The following NCKAP5 variants were observed in gnomAD, a reference collection of about 807,000 sequenced individuals.
NCKAP5 encodes NCK associated protein 5.
Under a neutral mutation model 167.0 loss-of-function variants are expected in NCKAP5, and 92 were observed. That is an observed-to-expected ratio of 0.55 (90% CI 0.47 to 0.66). The LOEUF is 0.66. NCKAP5 is among the 30% of genes least tolerant of loss of function. The pLI is 0.00. For synonymous variants in NCKAP5, 891 were observed against 877.4 expected (o/e 1.02, Z -0.27); for missense variants, 2,378 against 2,315.0 (o/e 1.03, Z -0.56).
At chr2:133,156,239 C>T (rs1479136922) in intron 5 of NCKAP5, among the ~76,000 whole-genome samples, 1 of 152,206 alleles carries the variant, frequency 6.6e-6, no homozygotes, top group Admixed American at 6.5e-5. Flanking sequence ...CCTACTGCAC[C>T]TGCTGTGTTC....
chr2:133,111,825 A>G (rs1382206051), intron 6 of NCKAP5, among the ~76,000 whole-genome samples: 1 of 152,200 alleles, frequency 6.6e-6, no homozygotes, highest in Non-Finnish European at 1.5e-5. Flanking sequence ...TGAAAAACAC[A>G]AGAGAGTGAC....
chr2:133,616,642 A>G, the NCKAP5 span, among the ~76,000 whole-genome samples: 2 of 151,234 alleles, frequency 1.3e-5, no homozygotes, highest in African/African-American at 4.8e-5. Context: ...ACAGGAGCTG[A>G]AATTGTGGCA....
chr2:133,486,686 T>G (rs991949832), intron 3 of NCKAP5, among the ~76,000 whole-genome samples: 2 of 152,220 alleles, frequency 1.3e-5, no homozygotes, highest in African/African-American at 4.8e-5. Context: ...GCTTGAGTGG[T>G]GAACGTCTAC....
At chr2:133,307,349 T>G (rs1022690325) in intron 3 of NCKAP5, among the ~76,000 whole-genome samples, 19 of 152,130 alleles carry the variant, frequency 1.2e-4, no homozygotes, top group African/African-American at 4.1e-4. Flanking sequence ...TTGATAAGAT[T>G]TGAAATGCAA....
chr2:132,900,949 G>A (rs1397969785), intron 8 of NCKAP5, among the ~76,000 whole-genome samples: 1 of 119,570 alleles, frequency 8.4e-6, no homozygotes, highest in African/African-American at 3.3e-5. Context: ...CCGGGTGACA[G>A]AGCAAGACTC....
chr2:133,021,819 C>A (rs893970463), intron 6 of NCKAP5, among the ~76,000 whole-genome samples: 1 of 152,044 alleles, frequency 6.6e-6, no homozygotes, highest in Non-Finnish European at 1.5e-5. Context: ...TTAGTAGAGA[C>A]GAGGTTTTGC....
At chr2:133,210,755 G>A (rs1161616749) in intron 5 of NCKAP5, among the ~76,000 whole-genome samples, 8 of 152,268 alleles carry the variant, frequency 5.3e-5, no homozygotes, top group Middle Eastern at 3.4e-3. Context: ...AGTTACTGAG[G>A]AACAGGGAGA....
At chr2:133,601,450 C>A in the NCKAP5 span, among the ~76,000 whole-genome samples, 1 of 152,308 alleles carries the variant, frequency 6.6e-6, no homozygotes, top group Admixed American at 6.5e-5. Flanking sequence ...TCTACCTTGG[C>A]CGGGTGCAGT....
intron 5 of NCKAP5, among the ~76,000 whole-genome samples, chr2:133,137,260 C>G (rs942338703): frequency 6.6e-6 from 1 of 151,972 alleles, no homozygotes; most frequent in Non-Finnish European, 1.5e-5. Flanking sequence ...TTTAAAAACC[C>G]GTACTCTTGG....
At chr2:133,309,530 A>G (rs1250589249) in intron 3 of NCKAP5, among the ~76,000 whole-genome samples, 1 of 152,224 alleles carries the variant, frequency 6.6e-6, no homozygotes, top group African/African-American at 2.4e-5. Flanking sequence ...TAAAAATTTT[A>G]CAAAGGTACA....
chr2:133,622,829 G>T, the NCKAP5 span, among the ~76,000 whole-genome samples: 1 of 152,012 alleles, frequency 6.6e-6, no homozygotes, highest in Non-Finnish European at 1.5e-5. Flanking sequence ...AATCAAAAAA[G>T]AGCCCACATA....
At chr2:133,099,213 G>GA in intron 6 of NCKAP5, among the ~76,000 whole-genome samples, 1 of 151,630 alleles carries the variant, frequency 6.6e-6, no homozygotes. Context: ...AGAATATATA[G>GA]AAAAAAAAGC....
intron 16 of NCKAP5, among the ~76,000 whole-genome samples, chr2:132,770,563 A>G (rs1360547986): frequency 6.6e-6 from 1 of 151,752 alleles, no homozygotes; most frequent in Non-Finnish European, 1.5e-5. Flanking sequence ...GTTCTCCACC[A>G]CTTTGAAGAG....
intron 8 of NCKAP5, 77 bp downstream of exon 8, chr2:132,963,643 C>T (rs1251680253): frequency 1.4e-6 from 2 of 1,455,292 alleles, no homozygotes; most frequent in East Asian, 2.3e-5. Flanking sequence ...TTTATACTCA[C>T]TCAAAACCAG....
chr2:133,363,564 T>C (rs1028650233), intron 3 of NCKAP5, among the ~76,000 whole-genome samples: 3 of 152,232 alleles, frequency 2.0e-5, no homozygotes, highest in African/African-American at 7.2e-5. Flanking sequence ...TACTATAGCA[T>C]AGTGCTTCAA....
intron 2 of NCKAP5, among the ~76,000 whole-genome samples, chr2:133,518,344 A>ATTTTTT (rs751025050): frequency 0.057 from 4,219 of 74,518 alleles, 770 homozygotes; most frequent in East Asian, 0.16. Flanking sequence ...ACAGTAAAGG[A>ATTTTTT]TTTTTTTTTT....
chr2:133,479,429 C>T (rs1178985383), intron 3 of NCKAP5, among the ~76,000 whole-genome samples: 1 of 152,128 alleles, frequency 6.6e-6, no homozygotes, highest in African/African-American at 2.4e-5. Flanking sequence ...TAACTCAGTT[C>T]TGGTTATTGT....
chr2:133,521,565 G>A (rs1399293848), intron 2 of NCKAP5, among the ~76,000 whole-genome samples: 1 of 152,236 alleles, frequency 6.6e-6, no homozygotes, highest in South Asian at 2.1e-4. Flanking sequence ...TCAAGTGCTA[G>A]CAGAGTTAGT....
At chr2:133,542,974 A>C (rs2104896515) in intron 2 of NCKAP5, among the ~76,000 whole-genome samples, 1 of 152,348 alleles carries the variant, frequency 6.6e-6, no homozygotes, top group African/African-American at 2.4e-5. Context: ...GATTGTTATA[A>C]GTATTAAATG....
Sources: allele counts gnomAD v4.1 joint callset (sites outside exome capture counted in the v4.1 genomes callset), GRCh38; gene constraint gnomAD v4.1.1; transcripts MANE v1.5; gene names NCBI Gene and HGNC (gene_info 2026-07-23, HGNC 2026-07-21).